Variants in GTF2IRD1 observed in about 807,000 individuals in gnomAD.
GTF2IRD1 encodes the protein general transcription factor II-I repeat domain-containing protein 1.
In GTF2IRD1, 26 loss-of-function variants were observed where a neutral mutation model predicts 113.2. The observed-to-expected ratio is 0.23, with a 90% CI of 0.17 to 0.32. The LOEUF is 0.32. Ranked by LOEUF, GTF2IRD1 falls within the 10% of genes least tolerant of loss-of-function variation. GTF2IRD1 has a pLI of 1.00. For missense variants in GTF2IRD1, 864 were observed against 1,280.8 expected (o/e 0.67, Z 4.97); for synonymous variants, 484 against 529.1 (o/e 0.91, Z 1.17).
chr7:74,465,860 C>G (rs537524438), intron 1 of GTF2IRD1, among the ~76,000 whole-genome samples: 10 of 152,258 alleles, frequency 6.6e-5, no homozygotes, highest in Admixed American at 3.3e-4. Context: ...ACCTCTACCT[C>G]CTGGGTTCAA....
intron 10 of GTF2IRD1, 121 bp from the exon 11 acceptor site, chr7:74,536,046 G>T (rs1798274507): frequency 4.6e-6 from 3 of 646,932 alleles, no homozygotes; most frequent in Admixed American, 5.2e-5. Context: ...ACAAGGACAG[G>T]CAGAGGCCAG....
At chr7:74,516,619 G>T (rs1032154747) in intron 4 of GTF2IRD1, among the ~76,000 whole-genome samples, 1 of 152,180 alleles carries the variant, frequency 6.6e-6, no homozygotes, top group Non-Finnish European at 1.5e-5. Flanking sequence ...ATGGAGCAAA[G>T]GTCTGTGAGG....
In GTF2IRD1 at chr7:74,568,512, A is replaced by G. The variant is rs587693002; in HGVS notation, c.2320+8857A>G. 4.2e-4 allele frequency among the ~76,000 whole-genome samples: 64 copies of G among 152,026 alleles called. No individual in the cohort carries two copies. In the South Asian group the frequency reaches 6.7e-3, roughly 16 times the overall value. On this transcript the variant is annotated intron_variant, in intron 22 of 26. Coordinates refer to ENST00000424337, the MANE Select transcript of GTF2IRD1 (RefSeq NM_005685.4). Reference sequence around the variant, plus strand: ...AAATACAAAAAATTAGCTGGGCGTGATGGCGGGCACCTGTAGTCCCAGCTA... The same window carrying G: ...AAATACAAAAAATTAGCTGGGCGTGGTGGCGGGCACCTGTAGTCCCAGCTA...
rs2267826 is a variant in GTF2IRD1 at position 74,512,462 on chromosome 7, G to A, written c.124-368G>A. Among the ~76,000 whole-genome samples the A allele has an allele frequency of 0.3, 46,066 of 151,972 alleles. 8,017 individuals are homozygous for A. The highest frequency in any genetic ancestry group is 0.52 in the East Asian group (2,692 of 5,142). On this transcript the variant is annotated intron_variant, in intron 2 of 26. Transcript: ENST00000424337. This position sits in a 1 kb window ranked among gnomAD's most constrained non-coding sequence, Gnocchi z 4.4. ...TGGGATTGCAGCCCCAGTCTGTCCA[G>A]TCCCCGCCTGTCCTGCAGTTCTTCC...
intron 1 of GTF2IRD1, among the ~76,000 whole-genome samples, chr7:74,469,097 A>C (rs1793930661): frequency 6.6e-6 from 1 of 151,636 alleles, no homozygotes. Context: ...AAAAAAAAAA[A>C]ATATGGAAGG....
At chr7:74,576,682 G>A (rs587639397) in intron 22 of GTF2IRD1, among the ~76,000 whole-genome samples, 10 of 117,908 alleles carry the variant, frequency 8.5e-5, no homozygotes, top group Admixed American at 1.1e-4. Flanking sequence ...GTGCAGTGGC[G>A]CGATCTCAGC....
At chr7:74,510,866 T>TG (rs1554342757) in intron 2 of GTF2IRD1, among the ~76,000 whole-genome samples, 1 of 151,784 alleles carries the variant, frequency 6.6e-6, no homozygotes, top group East Asian at 2.0e-4. Context: ...CTGGCCAACA[T>TG]GGTGAAACTC....
At chr7:74,576,002 T>C (rs1191861992) in intron 22 of GTF2IRD1, among the ~76,000 whole-genome samples, 1 of 141,156 alleles carries the variant, frequency 7.1e-6, no homozygotes, top group Non-Finnish European at 1.6e-5. Flanking sequence ...ACCCCATCTC[T>C]AAAAAAAAAA....
At chr7:74,547,516 C>T (rs1554353671) in intron 17 of GTF2IRD1, among the ~76,000 whole-genome samples, 4 of 147,882 alleles carry the variant, frequency 2.7e-5, no homozygotes, top group Admixed American at 2.1e-4. Flanking sequence ...ACTTGGCTCA[C>T]TGCAACCTCC....
At chr7:74,481,686 C>T (rs782695565) in intron 1 of GTF2IRD1, among the ~76,000 whole-genome samples, 1 of 152,162 alleles carries the variant, frequency 6.6e-6, no homozygotes, top group Non-Finnish European at 1.5e-5. Context: ...CATCAGGTTG[C>T]CTGCACCTAC....
chr7:74,516,919 C>G (rs1796960949), intron 4 of GTF2IRD1, among the ~76,000 whole-genome samples: 1 of 152,168 alleles, frequency 6.6e-6, no homozygotes, highest in African/African-American at 2.4e-5. Context: ...AGTCCCCAGC[C>G]TGCCTCCCCT....
Position 74,528,673 on chromosome 7 carries a change from G to C in GTF2IRD1, c.1091-1061G>C, listed in dbSNP as rs189135911. ...GTGCTATTTGAGCAAACACCTGAAA[G>C]GAGGGAGGGAGGGAGGGAGGGAAGG... is the stretch of plus-strand genomic sequence containing the variant. On this transcript the variant is annotated intron_variant, in intron 8 of 26. Transcript: ENST00000424337. 6.3e-3 allele frequency among the ~76,000 whole-genome samples: 929 copies of C among 146,908 alleles called. 40 individuals are homozygous for C. Among genetic ancestry groups the C allele is most frequent in the Admixed American group, 0.056 (818 of 14,672 alleles).
At chr7:74,589,721 T>A in intron 22 of GTF2IRD1, 130 bp from the exon 23 acceptor site, 1 of 550,894 alleles carries the variant, frequency 1.8e-6, no homozygotes. Flanking sequence ...AAAAAACAGC[T>A]ATATAGGAGT....
In GTF2IRD1 at chr7:74,556,790, A is replaced by ATTTTTTTTTTTTTTT. The variant is rs587648610; in HGVS notation, c.2024-844_2024-843insTTTTTTTTTTTTTTT. ...AGGTACGCACCACCATGCCTGGCTA[A>ATTTTTTTTTTTTTTT]TTTTTGTATTTTTAGTAGAGATAGG... On this transcript the variant is annotated intron_variant, in intron 19 of 26. Coordinates refer to ENST00000424337, the MANE Select transcript of GTF2IRD1 (RefSeq NM_005685.4). Among the ~76,000 whole-genome samples the ATTTTTTTTTTTTTTT allele has an allele frequency of 1.5e-3, 204 of 132,646 alleles. 1 individual carries two copies. The highest frequency in any genetic ancestry group is 1.9e-3 in the Non-Finnish European group (116 of 59,690). The allele number at this position is 132,646 out of a possible 152,430, so 87.0% of individuals were successfully genotyped here.
chr7:74,560,357 G>A (rs1799872069), intron 22 of GTF2IRD1, among the ~76,000 whole-genome samples: 1 of 151,790 alleles, frequency 6.6e-6, no homozygotes. Flanking sequence ...GTGTCTGCAT[G>A]GGGACCACAA....
chr7:74,579,300 TA>T (rs1298230792), intron 22 of GTF2IRD1, among the ~76,000 whole-genome samples: 4 of 151,662 alleles, frequency 2.6e-5, no homozygotes, highest in Non-Finnish European at 5.9e-5. Context: ...ACTACATCTC[TA>T]AAAAAAAATT....
At chr7:74,480,006 C>A (rs1794645730) in intron 1 of GTF2IRD1, among the ~76,000 whole-genome samples, 1 of 152,118 alleles carries the variant, frequency 6.6e-6, no homozygotes, top group African/African-American at 2.4e-5. Context: ...CTCGGCCTCC[C>A]TAAGTGCTGG....
At chr7:74,496,259 T>C (rs1315011332) in intron 1 of GTF2IRD1, among the ~76,000 whole-genome samples, 1 of 147,662 alleles carries the variant, frequency 6.8e-6, no homozygotes. Context: ...TGCATATGTG[T>C]GTATGCATGT....
At chr7:74,577,802 G>A (rs367755121) in intron 22 of GTF2IRD1, among the ~76,000 whole-genome samples, 21 of 152,090 alleles carry the variant, frequency 1.4e-4, no homozygotes, top group African/African-American at 4.1e-4. Context: ...ACAAGCACAC[G>A]TGCTACCATG....
Sources: gnomAD v4.1 joint callset for allele counts (sites outside exome capture counted in the v4.1 genomes callset) on GRCh38, gnomAD v4.1.1 for gene constraint, Gnocchi (gnomAD v3.1) non-coding constraint, MANE v1.5 for transcripts, NCBI Gene and HGNC (gene_info 2026-07-23, HGNC 2026-07-21) for gene names.